Variants in CRY1 observed in about 807,000 individuals in gnomAD.
The protein encoded by CRY1 is cryptochrome circadian regulator 1.
Under a neutral mutation model 76.0 loss-of-function variants are expected in CRY1, and 45 were observed. That is an observed-to-expected ratio of 0.59 (90% CI 0.47 to 0.76). CRY1 has a LOEUF of 0.76. Ranked by LOEUF, CRY1 falls within the 30% of genes least tolerant of loss-of-function variation. CRY1 has a pLI of 0.00. For synonymous variants in CRY1, 248 were observed against 244.0 expected, an observed-to-expected ratio of 1.02 and a Z score of -0.15; for missense variants, 587 against 716.4, an observed-to-expected ratio of 0.82 and a Z score of 2.06.
intron 1 of CRY1, among the ~76,000 whole-genome samples, chr12:107,076,309 T>C (rs1953251197): frequency 6.6e-6 from 1 of 152,064 alleles, no homozygotes; most frequent in South Asian, 2.1e-4. Context: ...AGAGACGATT[T>C]CTTAGAAACT....
At chr12:107,013,961 G>A (rs2136836757) in intron 2 of CRY1, among the ~76,000 whole-genome samples, 1 of 152,060 alleles carries the variant, frequency 6.6e-6, no homozygotes, top group East Asian at 1.9e-4. Context: ...GACTTCTATT[G>A]GATGGTACTG....
At chr12:106,999,246 A>C (rs982642198) in intron 7 of CRY1, among the ~76,000 whole-genome samples, 2 of 152,104 alleles carry the variant, frequency 1.3e-5, no homozygotes, top group Non-Finnish European at 2.9e-5. Context: ...TTCGTGATAG[A>C]AATATCACCT....
At chr12:107,073,935 A>G (rs149645295) in intron 1 of CRY1, among the ~76,000 whole-genome samples, 5 of 152,250 alleles carry the variant, frequency 3.3e-5, no homozygotes, top group South Asian at 4.1e-4. Flanking sequence ...CCTAACCTCA[A>G]TACACCTAAA....
chr12:107,060,029 G>A (rs1216967641), intron 1 of CRY1, among the ~76,000 whole-genome samples: 1 of 152,216 alleles, frequency 6.6e-6, no homozygotes, highest in African/African-American at 2.4e-5. Context: ...AGAGTGATCA[G>A]TTGTAGTCCC....
intron 8 of CRY1, 86 bp downstream of exon 8, chr12:106,997,829 G>A: frequency 1.9e-6 from 3 of 1,544,542 alleles, no homozygotes; most frequent in Non-Finnish European, 2.6e-6. Flanking sequence ...CATCATGAGT[G>A]GGGAATACTT....
intron 1 of CRY1, among the ~76,000 whole-genome samples, chr12:107,063,415 G>C (rs956022876): frequency 5.9e-5 from 9 of 152,184 alleles, no homozygotes; most frequent in Non-Finnish European, 1.0e-4. Flanking sequence ...TCTAATATAT[G>C]AGTTCTTTTG....
intron 1 of CRY1, among the ~76,000 whole-genome samples, chr12:107,079,326 T>C (rs984231851): frequency 6.6e-6 from 1 of 152,110 alleles, no homozygotes; most frequent in Non-Finnish European, 1.5e-5. Context: ...ATAAATGCCA[T>C]TGTTATTGCT....
At chr12:107,010,914 T>C (rs1156903190) in intron 2 of CRY1, among the ~76,000 whole-genome samples, 1 of 152,186 alleles carries the variant, frequency 6.6e-6, no homozygotes, top group African/African-American at 2.4e-5. Context: ...CCTTATTCCC[T>C]GAGACAACAA....
rs559559703 is a variant in CRY1 at position 107,011,527 on chromosome 12, T to C, written c.268-6279A>G. Among the ~76,000 whole-genome samples, 9 of 151,956 alleles carry C rather than the reference T, an allele frequency of 5.9e-5. No individual in the cohort carries two copies. The South Asian group carries it at 1.9e-3, about 32-fold the overall frequency. On this transcript the variant is annotated intron_variant, in intron 2 of 12. Transcript: ENST00000008527. ...AAACAAAGCAGCCTTAATGGCGATA[T>C]GGAGAAAACTTTAGGGGTCTGGATA...
intron 1 of CRY1, among the ~76,000 whole-genome samples, chr12:107,090,467 G>A (rs765646619): frequency 2.2e-4 from 34 of 152,184 alleles, no homozygotes; most frequent in Non-Finnish European, 4.3e-4. Context: ...AGTCTCATAT[G>A]CTGGTTCTTT....
chr12:107,009,575 TATATATATATATATATATATATATATAA>T (rs1465949122), intron 2 of CRY1, among the ~76,000 whole-genome samples: 1 of 25,758 alleles, frequency 3.9e-5, no homozygotes, highest in African/African-American at 1.9e-4. Context: ...TATATATATA[TATATATATATATATATATATATATATAA>T]AATCTCTATA....
intron 10 of CRY1, among the ~76,000 whole-genome samples, chr12:106,996,098 G>A (rs927022343): frequency 6.6e-6 from 1 of 152,090 alleles, no homozygotes; most frequent in South Asian, 2.1e-4. Context: ...CACCCACCTC[G>A]GCCTCCCAAA....
intron 3 of CRY1, among the ~76,000 whole-genome samples, chr12:107,004,851 A>G (rs1055660885): frequency 1.3e-5 from 2 of 152,320 alleles, no homozygotes; most frequent in East Asian, 1.9e-4. Context: ...GTCTTAATCC[A>G]TAATAGTTTT....
At chr12:107,064,643 G>C (rs1214161760) in intron 1 of CRY1, among the ~76,000 whole-genome samples, 1 of 152,090 alleles carries the variant, frequency 6.6e-6, no homozygotes, top group Non-Finnish European at 1.5e-5. Flanking sequence ...CTTAGAAATA[G>C]AAATGGGCAG....
chr12:107,010,834 T>C (rs1952436928), intron 2 of CRY1, among the ~76,000 whole-genome samples: 3 of 152,114 alleles, frequency 2.0e-5, no homozygotes, highest in African/African-American at 4.8e-5. Flanking sequence ...CTGATAAATG[T>C]AGTGTGGTCT....
intron 1 of CRY1, among the ~76,000 whole-genome samples, chr12:107,069,632 GTA>G (rs1953160372): frequency 8.0e-6 from 1 of 124,614 alleles, no homozygotes; most frequent in African/African-American, 2.9e-5. Flanking sequence ...TATATATAAA[GTA>G]TATATATAAA....
At chr12:107,076,523 A>C (rs1953253873) in intron 1 of CRY1, among the ~76,000 whole-genome samples, 1 of 151,864 alleles carries the variant, frequency 6.6e-6, no homozygotes, top group Non-Finnish European at 1.5e-5. Flanking sequence ...CTGAGGCAAG[A>C]GAATCACCTT....
At chr12:107,005,926 T>C (rs568165662) in intron 2 of CRY1, among the ~76,000 whole-genome samples, 84 of 152,334 alleles carry the variant, frequency 5.5e-4, no homozygotes, top group African/African-American at 2.0e-3. Flanking sequence ...CTTAAAGGAA[T>C]TGATTTTTCT....
chr12:107,052,992 G>A (rs978554543), intron 1 of CRY1, among the ~76,000 whole-genome samples: 1 of 152,188 alleles, frequency 6.6e-6, no homozygotes, highest in Admixed American at 6.5e-5. Flanking sequence ...AGAATCTGAA[G>A]GGAAATTATT....
Sources: allele counts gnomAD v4.1 joint callset (sites outside exome capture counted in the v4.1 genomes callset), GRCh38; gene constraint gnomAD v4.1.1; transcripts MANE v1.5; gene names NCBI Gene and HGNC (gene_info 2026-07-23, HGNC 2026-07-21).